RNF152: variants seen among roughly 807,000 people sequenced by gnomAD.
RNF152 encodes the protein ring finger protein 152, also known as E3 ubiquitin-protein ligase RNF152.
A neutral mutation model predicts 12.7 loss-of-function variants in RNF152; 11 were observed. The observed-to-expected ratio is 0.86, with a 90% confidence interval of 0.54 to 1.43. The LOEUF is 1.43. Ranked by LOEUF, RNF152 falls within the 40% of genes most tolerant of loss-of-function variation. RNF152 has a pLI of 0.00. For missense variants in RNF152, 255 were observed against 274.8 expected, an observed-to-expected ratio of 0.93 and a Z score of 0.51; for synonymous variants, 113 against 120.3, an observed-to-expected ratio of 0.94 and a Z score of 0.40.
At chr18:61,819,390 T>G (rs1240419439) in intron 1 of RNF152, among the ~76,000 whole-genome samples, 1 of 151,914 alleles carries the variant, frequency 6.6e-6, no homozygotes, top group Non-Finnish European at 1.5e-5. Context: ...ACCAGAAAGG[T>G]TAAGAGTAGC....
At chr18:61,859,896 AAAAG>A (rs1340820901) in intron 1 of RNF152, among the ~76,000 whole-genome samples, 1 of 152,088 alleles carries the variant, frequency 6.6e-6, no homozygotes, top group African/African-American at 2.4e-5. Context: ...AAAAGAAAAG[AAAAG>A]AAAAGAAATC....
intron 1 of RNF152, among the ~76,000 whole-genome samples, chr18:61,823,809 C>A (rs565860427): frequency 1.3e-5 from 2 of 152,206 alleles, no homozygotes; most frequent in Admixed American, 6.5e-5. Flanking sequence ...GCCCTGCCAG[C>A]ACAGCCCACT....
rs1367695481 is a variant in RNF152 at position 61,881,879 on chromosome 18, A to C, written c.-136+10916T>G. Reference sequence around the variant, plus strand: ...AAGACATTTTTCCTTGTTAATTAACAGTCTTCTTATAGGACAGTGTGGACT... The same window carrying C: ...AAGACATTTTTCCTTGTTAATTAACCGTCTTCTTATAGGACAGTGTGGACT... On this transcript the variant is annotated intron_variant, in intron 1 of 1. Coordinates refer to ENST00000312828, the MANE Select transcript of RNF152 (RefSeq NM_173557.3). 2.0e-5 allele frequency among the ~76,000 whole-genome samples: 3 copies of C among 152,378 alleles called. No homozygotes were observed. The East Asian group carries it at 5.8e-4, about 29-fold the overall frequency.
rs998802726 is a variant in RNF152, at chr18:61,818,427, TA to T, written c.-135-1830del. Among the ~76,000 whole-genome samples, 796 of 144,066 alleles carry T rather than the reference TA, an allele frequency of 5.5e-3. 3 individuals are homozygous for T. Among genetic ancestry groups the T allele is most frequent in the Non-Finnish European group, 7.7e-3 (506 of 65,344 alleles). The allele number at this position is 144,066 out of a possible 152,430, so 94.5% of individuals were successfully genotyped here. On this transcript the variant is annotated intron_variant, in intron 1 of 1. Coordinates refer to ENST00000312828, the MANE Select transcript of RNF152 (RefSeq NM_173557.3). The stretch of plus-strand genomic sequence containing the variant: ...GACAGAATGAGACCCTGTCTCAAAT[TA>T]AAAAAAAAACAAAAAACAAAAAACA...
intron 1 of RNF152, among the ~76,000 whole-genome samples, chr18:61,845,785 G>T (rs1910716917): frequency 6.6e-6 from 1 of 152,150 alleles, no homozygotes; most frequent in South Asian, 2.1e-4. Context: ...ACTTTTGTTT[G>T]ATGAACCTGA....
intron 1 of RNF152, among the ~76,000 whole-genome samples, chr18:61,838,053 G>A (rs924537331): frequency 8.5e-5 from 13 of 152,088 alleles, no homozygotes; most frequent in African/African-American, 2.7e-4. Flanking sequence ...AAGGCTTCCC[G>A]TCCCCACATA....
At chr18:61,851,078 A>G (rs935703841) in intron 1 of RNF152, among the ~76,000 whole-genome samples, 1 of 148,888 alleles carries the variant, frequency 6.7e-6, no homozygotes, top group Non-Finnish European at 1.5e-5. Flanking sequence ...ATCTGCTGAT[A>G]TCCACAATGA....
At chr18:61,887,500 C>T (rs901419026) in intron 1 of RNF152, among the ~76,000 whole-genome samples, 1 of 152,000 alleles carries the variant, frequency 6.6e-6, no homozygotes, top group African/African-American at 2.4e-5. Flanking sequence ...GGGTGGATCA[C>T]GAGGTCAGGA....
intron 1 of RNF152, among the ~76,000 whole-genome samples, chr18:61,867,077 G>A (rs1044818347): frequency 6.6e-6 from 1 of 152,060 alleles, no homozygotes; most frequent in African/African-American, 2.4e-5. Flanking sequence ...CTAGATGCTC[G>A]CCAGCTGAAG....
At chr18:61,845,924 G>C (rs1910722829) in intron 1 of RNF152, among the ~76,000 whole-genome samples, 1 of 151,562 alleles carries the variant, frequency 6.6e-6, no homozygotes, top group South Asian at 2.1e-4. Flanking sequence ...TTTGTGTGGG[G>C]GGGCGTGGTG....
chr18:61,813,700 TCA>T lies in RNF152; in HGVS notation c.*2150_*2151del, dbSNP rs1222311920. 6.6e-6 allele frequency: 1 copy of T among 152,184 alleles called. No homozygotes were observed. Among genetic ancestry groups the T allele is most frequent in the Non-Finnish European group, 1.5e-5 (1 of 68,022 alleles). The allele number at this position is 152,184 out of a possible 1,614,324, so 9.4% of individuals were successfully genotyped here. ...GTACAGAAACATATGCAGATATCAC[TCA>T]CAAAATTAATCTGAATATGGCATAG... On this transcript the variant is annotated 3_prime_UTR_variant, in exon 2 of 2. Transcript: ENST00000312828.
intron 1 of RNF152, among the ~76,000 whole-genome samples, chr18:61,870,984 T>C (rs1301988349): frequency 6.6e-6 from 1 of 152,146 alleles, no homozygotes; most frequent in African/African-American, 2.4e-5. Flanking sequence ...CCCATCCTGA[T>C]AATGGCACCC....
rs182666426 is a variant in RNF152, at chr18:61,823,546, G to A, written c.-135-6948C>T. Among the ~76,000 whole-genome samples, 7 of 152,290 alleles carry A rather than the reference G, an allele frequency of 4.6e-5. No homozygotes were observed. The East Asian group carries it at 7.7e-4, about 17-fold the overall frequency. ...ACTCCTGACTTCAACTGATCTGCCC[G>A]TCTCAGCCTCTCAAAGTGCTGGGAT... On this transcript the variant is annotated intron_variant, in intron 1 of 1. Transcript: ENST00000312828.
rs1192879558 is a variant in RNF152 at position 61,813,807 on chromosome 18, T to G, written c.*2045A>C. ...TTCTGTGGTGTGTGTGTGTGTGTAT[T>G]TTCCTCCAAGAGAAATAGAAATTAG... On this transcript the variant is annotated 3_prime_UTR_variant, in exon 2 of 2. Coordinates refer to ENST00000312828, the MANE Select transcript of RNF152 (RefSeq NM_173557.3). The G allele has an allele frequency of 1.3e-5, 2 of 152,176 alleles. No homozygotes were observed. The highest frequency in any genetic ancestry group is 4.8e-5 in the African/African-American group (2 of 41,442). 9.4% of individuals were successfully genotyped at this position (152,176 alleles called of 1,614,324 possible). A position where few individuals can be genotyped will look rare whatever the true frequency, so the allele number is the denominator to read the frequency against.
chr18:61,829,833 T>C (rs1909855206), intron 1 of RNF152, among the ~76,000 whole-genome samples: 1 of 152,136 alleles, frequency 6.6e-6, no homozygotes. Flanking sequence ...TCCCCTCCTA[T>C]TCTGTAATCT....
At chr18:61,833,332 T>G (rs1268687134) in intron 1 of RNF152, among the ~76,000 whole-genome samples, 1 of 152,194 alleles carries the variant, frequency 6.6e-6, no homozygotes, top group Non-Finnish European at 1.5e-5. Flanking sequence ...TTGAGTAACT[T>G]AAAATAAAAC....
intron 1 of RNF152, among the ~76,000 whole-genome samples, chr18:61,864,135 A>T (rs1044298057): frequency 6.6e-6 from 1 of 152,128 alleles, no homozygotes; most frequent in African/African-American, 2.4e-5. Flanking sequence ...GGTGTCCCAG[A>T]ATTCAATTCC....
chr18:61,817,131 C>G (rs9960476), intron 1 of RNF152, among the ~76,000 whole-genome samples: 52,225 of 152,074 alleles, frequency 0.34, 9,381 homozygotes, highest in Non-Finnish European at 0.4. Context: ...AGGATTGTTC[C>G]TCTTCACAGA....
chr18:61,886,694 G>A (rs1912715194), intron 1 of RNF152, among the ~76,000 whole-genome samples: 1 of 152,192 alleles, frequency 6.6e-6, no homozygotes, highest in Admixed American at 6.5e-5. Context: ...GTGGCTTGAT[G>A]ACAAGACATC....
Sources: allele counts gnomAD v4.1 joint callset (sites outside exome capture counted in the v4.1 genomes callset), GRCh38; gene constraint gnomAD v4.1.1; transcripts MANE v1.5; gene names NCBI Gene and HGNC (gene_info 2026-07-23, HGNC 2026-07-21).